INTS14: variants seen among roughly 807,000 people sequenced by gnomAD.
The protein encoded by INTS14 is integrator complex subunit 14, also known as UPF0464 protein C15orf44.
INTS14 carries 27 observed loss-of-function variants against 56.9 expected under a neutral mutation model. The ratio of observed to expected loss-of-function variants is 0.47; its 90% CI spans 0.35 to 0.65. The LOEUF (loss-of-function observed/expected upper bound fraction) is 0.65, where lower values mean the gene tolerates loss of function less well. Among genes scored for constraint, INTS14 ranks in the 30% least tolerant of loss-of-function variants. The probability of loss-of-function intolerance (pLI) is 0.00; values close to 1 mark genes in which losing one functional copy is unlikely to be tolerated. For synonymous variants in INTS14, 207 were observed against 236.2 expected (o/e 0.88, Z 1.13); for missense variants, 517 against 632.2 (o/e 0.82, Z 1.95).
chr15:65,579,199 T>C lies in INTS14; in HGVS notation c.*209A>G, dbSNP rs971167757. ...AGCTATCTTCCAAGCTTAAAAATTA[T>C]GAATCCCAGGAAGTTAAAGCCCAAC... On this transcript the variant is annotated 3_prime_UTR_variant, in exon 12 of 12. Coordinates refer to ENST00000313182, the MANE Select transcript of INTS14 (RefSeq NM_001394796.1). 3 of 591,746 alleles carry C rather than the reference T, an allele frequency of 5.1e-6. No individual in the cohort carries two copies. The highest frequency in any genetic ancestry group is 3.4e-5 in the Admixed American group (1 of 29,626). 36.7% of individuals were successfully genotyped at this position (591,746 alleles called of 1,614,324 possible).
intron 2 of INTS14, 101 bp from the exon 3 acceptor site, chr15:65,605,337 A>G: frequency 1.2e-6 from 1 of 845,846 alleles, no homozygotes; most frequent in Non-Finnish European, 1.9e-6. Context: ...CACAGGGGAC[A>G]CTGATGTATC....
intron 3 of INTS14, among the ~76,000 whole-genome samples, chr15:65,603,453 A>G (rs1342188705): frequency 1.3e-5 from 2 of 152,026 alleles, no homozygotes; most frequent in Non-Finnish European, 2.9e-5. Flanking sequence ...GTCAATTCAT[A>G]CCTTTCCCTG....
At chr15:65,598,610 T>A in intron 5 of INTS14, 147 bp from the exon 6 acceptor site, 1 of 946,740 alleles carries the variant, frequency 1.1e-6, no homozygotes, top group Non-Finnish European at 1.5e-6. Context: ...CTGACATTTT[T>A]GGTGAGGAAA....
At chr15:65,605,050 G>A in intron 3 of INTS14, 79 bp downstream of exon 3, 2 of 1,031,536 alleles carry the variant, frequency 1.9e-6, no homozygotes, top group East Asian at 4.7e-5. Context: ...TGCATGCTGT[G>A]TCAGAGCCTG....
chr15:65,608,983 C>T (rs138417697), intron 1 of INTS14, among the ~76,000 whole-genome samples: 7,501 of 152,258 alleles, frequency 0.049, 640 homozygotes, highest in African/African-American at 0.17. Flanking sequence ...CTGCAAGCAC[C>T]GCCTCCCGGG....
intron 9 of INTS14, among the ~76,000 whole-genome samples, chr15:65,586,129 A>G (rs754821273): frequency 1.3e-5 from 2 of 152,214 alleles, no homozygotes; most frequent in Non-Finnish European, 1.5e-5. Context: ...CCCACTACGT[A>G]GCAAGCACTG....
intron 1 of INTS14, among the ~76,000 whole-genome samples, chr15:65,610,273 T>C (rs2073849836): frequency 6.6e-6 from 1 of 152,106 alleles, no homozygotes; most frequent in Non-Finnish European, 1.5e-5. Context: ...ATAGGAGAAT[T>C]GCTTGAACCC....
intron 1 of INTS14, 61 bp downstream of exon 1, chr15:65,611,036 CT>C: frequency 6.5e-7 from 1 of 1,535,140 alleles, no homozygotes. Context: ...CCCATAACCC[CT>C]TCACCTGTAA....
At chr15:65,599,683 T>C (rs1394048622) in intron 4 of INTS14, 91 bp downstream of exon 4, 2 of 1,383,456 alleles carry the variant, frequency 1.4e-6, no homozygotes, top group African/African-American at 2.9e-5. Flanking sequence ...TGCTACAGTA[T>C]ATACAATATA....
chr15:65,598,908 C>T lies in INTS14; in HGVS notation c.569G>A (p.Gly190Asp). ...CTGTACATTCTTCAAGCACAGGGGG[C>T]CATCAATAGTAAAAATCTGCCCTTC... ...NGEGQIFTIDGPLCLKNVQSM... is the reference protein window; with the variant it reads ...NGEGQIFTIDDPLCLKNVQSM... The change falls in exon 5 of 12, where the codon GGC becomes GAC. Residue 190 changes from glycine (G) to aspartate (D), a missense_variant. Coordinates refer to ENST00000313182, the MANE Select transcript of INTS14 (RefSeq NM_001394796.1). 1 of 1,613,828 alleles carries T rather than the reference C, an allele frequency of 6.2e-7. No homozygotes were observed. Among genetic ancestry groups the T allele is most frequent in the Admixed American group, 1.7e-5 (1 of 59,986 alleles).
chr15:65,584,591 AT>A (rs2072748069), intron 10 of INTS14, among the ~76,000 whole-genome samples, 178 bp downstream of exon 10: 1 of 152,186 alleles, frequency 6.6e-6, no homozygotes, highest in Non-Finnish European at 1.5e-5. Context: ...GTAAAAAATG[AT>A]TTTGCTATAT....
At chr15:65,600,987 G>C (rs897549264) in intron 3 of INTS14, among the ~76,000 whole-genome samples, 1 of 152,148 alleles carries the variant, frequency 6.6e-6, no homozygotes, top group African/African-American at 2.4e-5. Context: ...ATGGAATGAA[G>C]ATTCATTTCA....
chr15:65,579,311 T>C lies in INTS14; in HGVS notation c.*97A>G. 1 of 1,511,470 alleles carries C rather than the reference T, an allele frequency of 6.6e-7. No individual in the cohort carries two copies. Among genetic ancestry groups the C allele is most frequent in the Non-Finnish European group, 8.9e-7 (1 of 1,121,898 alleles). 93.6% of individuals were successfully genotyped at this position (1,511,470 alleles called of 1,614,324 possible). Reference sequence around the variant, plus strand: ...TTCTGAGGCAGCCTCAGGAAGGTCTTTGGGTGGCTATTCTAGAGGTGAACA... The same window carrying C: ...TTCTGAGGCAGCCTCAGGAAGGTCTCTGGGTGGCTATTCTAGAGGTGAACA... On this transcript the variant is annotated 3_prime_UTR_variant, in exon 12 of 12. Transcript: ENST00000313182.
At chr15:65,591,827 G>T in intron 8 of INTS14, 96 bp from the exon 9 acceptor site, 1 of 1,407,038 alleles carries the variant, frequency 7.1e-7, no homozygotes. Flanking sequence ...AGAGACACAG[G>T]CTTCAGCTTT....
chr15:65,601,072 C>T (rs114198635), intron 3 of INTS14, among the ~76,000 whole-genome samples: 1,863 of 152,240 alleles, frequency 0.012, 50 homozygotes, highest in African/African-American at 0.043. Context: ...AAACTCTACG[C>T]CTGGTCAACT....
In INTS14 at chr15:65,593,409, T is replaced by A; in HGVS notation, c.986+19A>T. ...TGATTTTCCCTTTCATTCAACCAAA[T>A]GTAAACAAAGTTTCCTACCCTAATT... is the stretch of plus-strand genomic sequence containing the variant. On this transcript the variant is annotated intron_variant, in intron 8 of 11. Coordinates refer to ENST00000313182, the MANE Select transcript of INTS14 (RefSeq NM_001394796.1). 1 of 1,597,754 alleles carries A rather than the reference T, an allele frequency of 6.3e-7. No individual in the cohort carries two copies. Among genetic ancestry groups the A allele is most frequent in the Non-Finnish European group, 8.5e-7 (1 of 1,172,072 alleles).
chr15:65,583,152 A>AT (rs1269938797), intron 10 of INTS14, among the ~76,000 whole-genome samples: 1 of 152,182 alleles, frequency 6.6e-6, no homozygotes, highest in African/African-American at 2.4e-5. Flanking sequence ...GTTAAAGAGA[A>AT]TTGCTGTCTG....
chr15:65,590,627 G>C (rs141789767), intron 9 of INTS14, among the ~76,000 whole-genome samples: 248 of 152,280 alleles, frequency 1.6e-3, no homozygotes, highest in Middle Eastern at 3.4e-3. Flanking sequence ...TTTCTCCTCT[G>C]TGAAGATTCT....
At chr15:65,610,631 T>A in intron 1 of INTS14, 1 of 1,508,702 alleles carries the variant, frequency 6.6e-7, no homozygotes, top group Non-Finnish European at 8.9e-7. Flanking sequence ...AAAGAACTGA[T>A]TCTCAGCAGT....
Sources: allele counts gnomAD v4.1 joint callset (sites outside exome capture counted in the v4.1 genomes callset), GRCh38; gene constraint gnomAD v4.1.1; transcripts MANE v1.5; gene names NCBI Gene and HGNC (gene_info 2026-07-23, HGNC 2026-07-21).